The following LAMA5 variants were observed in gnomAD, a reference collection of about 807,000 sequenced individuals.
LAMA5 encodes laminin subunit alpha-5.
A neutral mutation model predicts 433.4 loss-of-function variants in LAMA5; 260 were observed. The observed-to-expected ratio is 0.60, with a 90% CI of 0.54 to 0.66. The LOEUF (loss-of-function observed/expected upper bound fraction) is 0.66, where lower values mean the gene tolerates loss of function less well. Ranked by LOEUF, LAMA5 falls within the 30% of genes least tolerant of loss-of-function variation. The pLI is 0.00. For missense variants in LAMA5, 5,378 were observed against 5,258.5 expected (o/e 1.02, Z -0.70); for synonymous variants, 2,620 against 2,226.6 (o/e 1.18, Z -4.97).
Position 62,330,811 on chromosome 20 carries a change from C to A in LAMA5, c.3784G>T (p.Gly1262Ter). 1 of 1,555,072 alleles carries A rather than the reference C, an allele frequency of 6.4e-7. No individual in the cohort carries two copies. Among genetic ancestry groups the A allele is most frequent in the Non-Finnish European group, 8.7e-7 (1 of 1,150,734 alleles). The change falls in exon 30 of 80, where the codon GGA becomes TGA. Residue 1262 changes from glycine to a stop codon, truncating the protein, a stop_gained. Coordinates refer to ENST00000252999, the MANE Select transcript of LAMA5 (RefSeq NM_005560.6). LOFTEE classifies it high-confidence loss of function. ...QDLTPAMSPA[G>*]PRPRPPTAVD... ...GCGGTGGGGGGCCGAGGTCGGGGTCCAGCTGGGGACATGGCTGGAGTGAGA... is the reference window on the plus strand; with the variant it reads ...GCGGTGGGGGGCCGAGGTCGGGGTCAAGCTGGGGACATGGCTGGAGTGAGA...
intron 58 of LAMA5, 33 bp from the exon 59 acceptor site, chr20:62,315,240 C>G: frequency 6.5e-7 from 1 of 1,546,458 alleles, no homozygotes; most frequent in Non-Finnish European, 8.7e-7. Flanking sequence ...TCAGCAGGGG[C>G]CAGCGGGGAC....
intron 43 of LAMA5, 32 bp from the exon 44 acceptor site, chr20:62,323,888 C>T (rs756254864): frequency 1.3e-6 from 2 of 1,575,134 alleles, no homozygotes; most frequent in Admixed American, 1.8e-5. Flanking sequence ...GTCACTAGGC[C>T]CCTGGCAGTG....
intron 18 of LAMA5, 27 bp from the exon 19 acceptor site, chr20:62,335,296 T>C: frequency 6.2e-7 from 1 of 1,610,364 alleles, no homozygotes; most frequent in Non-Finnish European, 8.5e-7. Context: ...AGGACTCAGA[T>C]GCTTGGTGGG....
chr20:62,350,693 G>A (rs143304980), intron 6 of LAMA5, among the ~76,000 whole-genome samples: 2 of 152,304 alleles, frequency 1.3e-5, no homozygotes, highest in Non-Finnish European at 2.9e-5. Context: ...AGCCTCAGCT[G>A]CACCACTCTG....
Position 62,332,550 on chromosome 20 carries a change from C to T in LAMA5, c.3443+7G>A, listed in dbSNP as rs755554582. On this transcript the variant is annotated splice_region_variant and intron_variant, in intron 27 of 79. Transcript: ENST00000252999. ...CCCTTACTCCAGCCCCACCGGCTCC[C>T]ACTCACCTGTACAGGCAGGGGTGCA... is the stretch of plus-strand genomic sequence containing the variant. 1.3e-6 allele frequency: 2 copies of T among 1,599,352 alleles called. No homozygotes were observed. The highest frequency in any genetic ancestry group is 1.7e-6 in the Non-Finnish European group (2 of 1,170,928).
At position 62,317,794 on chromosome 20, in the gene LAMA5, G is replaced by A. The variant is rs781462555; in HGVS notation, c.7240-16C>T. The stretch of plus-strand genomic sequence containing the variant: ...GCTTCCTTTGCTGAAGGCAATGCAG[G>A]GGAGTTGGGGACAATGAGGGGTAAG... On this transcript the variant is annotated splice_polypyrimidine_tract_variant and intron_variant, in intron 53 of 79. Coordinates refer to ENST00000252999, the MANE Select transcript of LAMA5 (RefSeq NM_005560.6). 35 of 1,522,572 alleles carry A rather than the reference G, an allele frequency of 2.3e-5. No individual in the cohort carries two copies. Among genetic ancestry groups the A allele is most frequent in the Middle Eastern group, 3.8e-4 (2 of 5,322 alleles). 94.3% of individuals were successfully genotyped at this position (1,522,572 alleles called of 1,614,324 possible). A position where few individuals can be genotyped will look rare whatever the true frequency, so the allele number is the denominator to read the frequency against.
Position 62,327,273 on chromosome 20 carries a change from TC to T in LAMA5, c.5071del (p.Glu1691SerfsTer52). 6.4e-7 allele frequency: 1 copy of T among 1,562,230 alleles called. No homozygotes were observed. Among genetic ancestry groups the T allele is most frequent in the Non-Finnish European group, 8.7e-7 (1 of 1,153,728 alleles). On this transcript the variant is annotated frameshift_variant, in exon 38 of 80. Transcript: ENST00000252999. LOFTEE classifies it high-confidence loss of function. ...GGAGGGTGGGGCCTGCCAGTACAGC[TC>T]GGGGAAAGCCTCGGGCACAGCCTCA... ...VPEAVPEAFP[E>X]LYWQAPPSYL...
intron 2 of LAMA5, among the ~76,000 whole-genome samples, chr20:62,361,805 C>T (rs1986158071): frequency 6.6e-6 from 1 of 152,252 alleles, no homozygotes; most frequent in African/African-American, 2.4e-5. Flanking sequence ...GGCTGGCAGC[C>T]AGGCAGGCCC....
intron 11 of LAMA5, among the ~76,000 whole-genome samples, chr20:62,340,980 A>C (rs1162974196): frequency 1.3e-5 from 2 of 152,070 alleles, no homozygotes; most frequent in African/African-American, 4.8e-5. Flanking sequence ...TGGTGGTTGC[A>C]GTGAGCCGAG....
chr20:62,319,872 G>T, intron 50 of LAMA5, 77 bp from the exon 51 acceptor site: 1 of 1,170,284 alleles, frequency 8.5e-7, no homozygotes. Flanking sequence ...TGGGGTCTGG[G>T]GGAGCGCCGA....
At chr20:62,344,680 C>T (rs1262135271) in intron 11 of LAMA5, among the ~76,000 whole-genome samples, 1 of 151,944 alleles carries the variant, frequency 6.6e-6, no homozygotes, top group Non-Finnish European at 1.5e-5. Context: ...AACTCCTGAC[C>T]TCAGGTAATC....
chr20:62,315,984 T>G lies in LAMA5; in HGVS notation c.7831A>C (p.Ile2611Leu), dbSNP rs373475494. Residue 2611 changes from isoleucine (I) to leucine (L), a missense_variant, in exon 58 of 80, where the codon ATC becomes CTC. Coordinates refer to ENST00000252999, the MANE Select transcript of LAMA5 (RefSeq NM_005560.6). ...GCAAGCATGGCCTGCGCCGCCTGGA[T>G]GTGCGCCTCCAGCTGGTCCTTCTTG... The part of the protein sequence containing the change: ...RAKKDQLEAH[I>L]QAAQAMLAMD... The G allele has an allele frequency of 3.7e-6, 6 of 1,608,026 alleles. No homozygotes were observed. In the African/African-American group the frequency reaches 8.0e-5, roughly 21 times the overall value.
At chr20:62,322,471 G>C in intron 46 of LAMA5, 22 bp from the exon 47 acceptor site, 1 of 1,554,638 alleles carries the variant, frequency 6.4e-7, no homozygotes, top group Non-Finnish European at 8.7e-7. Context: ...GCTGGTCACT[G>C]CCCTGCCCAG....
Position 62,327,238 on chromosome 20 carries a change from C to A in LAMA5, c.5107G>T (p.Asp1703Tyr). The A allele has an allele frequency of 6.6e-7, 1 of 1,510,394 alleles. No homozygotes were observed. 93.6% of individuals were successfully genotyped at this position (1,510,394 alleles called of 1,614,324 possible). A position where few individuals can be genotyped will look rare whatever the true frequency, so the allele number is the denominator to read the frequency against. ...AGACCTGATGCCCTGCTTACCCGGT[C>A]CCCCAGGTAGGAGGGTGGGGCCTGC... The part of the protein sequence containing the change: ...YWQAPPSYLG[D>Y]RVSSYGGTLR... Residue 1703 changes from aspartate (D) to tyrosine (Y), a missense_variant, in exon 38 of 80, where the codon GAC (aspartate) becomes TAC (tyrosine). By Grantham distance (160) the Asp-to-Tyr change is radical (BLOSUM62 -3). Coordinates refer to ENST00000252999, the MANE Select transcript of LAMA5 (RefSeq NM_005560.6).
At position 62,317,455 on chromosome 20, in the gene LAMA5, T is replaced by C; in HGVS notation, c.7401A>G (p.Pro2467=). Residue 2467 remains proline, a synonymous_variant, in exon 55 of 80, where the codon CCA becomes CCG. Coordinates refer to ENST00000252999, the MANE Select transcript of LAMA5 (RefSeq NM_005560.6). Reference sequence around the variant, plus strand: ...AGAAGGTCTGCATCCTCTGCAGCAGTGGGGTCCGAGCCCCATCCAGGCTGG... The same window carrying C: ...AGAAGGTCTGCATCCTCTGCAGCAGCGGGGTCCGAGCCCCATCCAGGCTGG... The part of the protein sequence containing the change: ...LAASLDGART[P]LLQRMQTFSP... 1.9e-6 allele frequency: 3 copies of C among 1,590,132 alleles called. No homozygotes were observed. Among genetic ancestry groups the C allele is most frequent in the Non-Finnish European group, 2.6e-6 (3 of 1,166,210 alleles).
chr20:62,317,705 G>A lies in LAMA5; in HGVS notation c.7313C>T (p.Ala2438Val), dbSNP rs2146081443. Residue 2438 changes from alanine (A) to valine (V), a missense_variant, in exon 54 of 80, where the codon GCC (alanine) becomes GTC (valine). Coordinates refer to ENST00000252999, the MANE Select transcript of LAMA5 (RefSeq NM_005560.6). ...GCTGTGCAGCAATCTGAAGACGCTG[G>A]CCAGGGTGTCCCTAGCCGCATGCAG... The part of the protein sequence containing the change: ...ATLHAARDTL[A>V]SVFRLLHSLD... 9.3e-6 allele frequency: 15 copies of A among 1,604,432 alleles called. No individual in the cohort carries two copies. In the East Asian group the frequency reaches 3.4e-4, roughly 36 times the overall value.
At chr20:62,338,898 G>T (rs143056902) in intron 11 of LAMA5, among the ~76,000 whole-genome samples, 1 of 152,136 alleles carries the variant, frequency 6.6e-6, no homozygotes, top group Non-Finnish European at 1.5e-5. Context: ...TTAGCTGGGC[G>T]TAGTGGTGCA....
Position 62,359,124 on chromosome 20 carries a change from G to C in LAMA5, c.450+3276C>G, listed in dbSNP as rs1985661820. Among the ~76,000 whole-genome samples, 1 of 152,200 alleles carries C rather than the reference G, an allele frequency of 6.6e-6. No individual in the cohort carries two copies. The highest frequency in any genetic ancestry group is 1.5e-5 in the Non-Finnish European group (1 of 68,026). ...CGCTACCCCACCTGTAGCACCTGCAGCGTGGCCTGCTCTACAGAGAACAAA... is the reference window on the plus strand; with the variant it reads ...CGCTACCCCACCTGTAGCACCTGCACCGTGGCCTGCTCTACAGAGAACAAA... On this transcript the variant is annotated intron_variant, in intron 2 of 79. Transcript: ENST00000252999. The surrounding 1 kb of genome is among the most constrained non-coding windows in gnomAD (Gnocchi z 4.3).
At position 62,314,438 on chromosome 20, in the gene LAMA5, G is replaced by A. The variant is rs1986705787; in HGVS notation, c.8370C>T (p.Ala2790=). ...GAGACACACCCATGTAGTCCCCAGT[G>A]GCCTGCGGCAGTGACAGACACACAG... ...RFVMYMGSRQ[A]TGDYMGVSLR... Residue 2790 remains alanine, a splice_region_variant and synonymous_variant, in exon 62 of 80, where the codon GCC becomes GCT. Transcript: ENST00000252999. 1.2e-6 allele frequency: 2 copies of A among 1,613,360 alleles called. No individual in the cohort carries two copies. Among genetic ancestry groups the A allele is most frequent in the African/African-American group, 1.3e-5 (1 of 75,034 alleles).
Sources: gnomAD v4.1 joint callset for allele counts (sites outside exome capture counted in the v4.1 genomes callset) on GRCh38, gnomAD v4.1.1 for gene constraint, Gnocchi (gnomAD v3.1) non-coding constraint, MANE v1.5 for transcripts, NCBI Gene and HGNC (gene_info 2026-07-23, HGNC 2026-07-21) for gene names.